NAALADL2: variants seen among roughly 807,000 people sequenced by gnomAD.
The protein encoded by NAALADL2 is N-acetylated alpha-linked acidic dipeptidase like 2.
In NAALADL2, 76 loss-of-function variants were observed where a neutral mutation model predicts 87.2. The ratio of observed to expected loss-of-function variants is 0.87; its 90% confidence interval spans 0.72 to 1.05. NAALADL2 has a LOEUF of 1.05. NAALADL2 is among the 50% of genes least tolerant of loss of function. NAALADL2 has a pLI of 0.00. For synonymous variants in NAALADL2, 354 were observed against 331.0 expected, an observed-to-expected ratio of 1.07 and a Z score of -0.75; for missense variants, 1,089 against 945.8, an observed-to-expected ratio of 1.15 and a Z score of -1.99.
chr3:175,760,970 A>G (rs987823365), intron 13 of NAALADL2, among the ~76,000 whole-genome samples: 4 of 152,224 alleles, frequency 2.6e-5, no homozygotes, highest in African/African-American at 9.6e-5. Context: ...TCCTAGACAC[A>G]GTTATCCCAA....
intron 11 of NAALADL2, among the ~76,000 whole-genome samples, chr3:175,643,955 A>G (rs2225656): frequency 0.018 from 2,708 of 152,020 alleles, 67 homozygotes; most frequent in African/African-American, 0.061. Flanking sequence ...GCCAAACTTG[A>G]TTTCATTTCG....
At chr3:175,420,113 G>A (rs1331387434) in intron 5 of NAALADL2, among the ~76,000 whole-genome samples, 1 of 151,930 alleles carries the variant, frequency 6.6e-6, no homozygotes, top group Non-Finnish European at 1.5e-5. Flanking sequence ...TCACCCATCT[G>A]TAAATATACA....
chr3:175,031,708 T>A (rs1008809770), intron 1 of NAALADL2, among the ~76,000 whole-genome samples: 1 of 152,096 alleles, frequency 6.6e-6, no homozygotes, highest in Non-Finnish European at 1.5e-5. Context: ...CTTTCCACCA[T>A]GACTGAACAA....
chr3:175,774,622 A>T (rs1396124356), intron 13 of NAALADL2, among the ~76,000 whole-genome samples: 1 of 152,154 alleles, frequency 6.6e-6, no homozygotes, highest in East Asian at 1.9e-4. Context: ...ATTAGCTGTT[A>T]GTTAAAAAAT....
chr3:175,742,499 G>T (rs528228559), intron 12 of NAALADL2, among the ~76,000 whole-genome samples: 1 of 109,706 alleles, frequency 9.1e-6, no homozygotes, highest in African/African-American at 4.1e-5. Flanking sequence ...CCGGGTTCAC[G>T]CCATTCTCCT....
At chr3:175,071,803 T>C (rs1715696411) in intron 1 of NAALADL2, among the ~76,000 whole-genome samples, 1 of 151,944 alleles carries the variant, frequency 6.6e-6, no homozygotes, top group Non-Finnish European at 1.5e-5. Flanking sequence ...TTGTAGCAAA[T>C]TTGAGCAATG....
chr3:174,609,784 T>C (rs1358201544), intron 2 of NAALADL2, among the ~76,000 whole-genome samples: 1 of 152,142 alleles, frequency 6.6e-6, no homozygotes, highest in Non-Finnish European at 1.5e-5. Context: ...AAGCTACCAA[T>C]GACTTTCTTC....
chr3:175,165,661 G>A (rs1183513240), intron 2 of NAALADL2, among the ~76,000 whole-genome samples: 1 of 152,040 alleles, frequency 6.6e-6, no homozygotes, highest in Non-Finnish European at 1.5e-5. Context: ...TTAGTGTGTG[G>A]TGCTAAGTAT....
At chr3:174,948,609 A>C (rs2108502036) in intron 1 of NAALADL2, among the ~76,000 whole-genome samples, 1 of 152,310 alleles carries the variant, frequency 6.6e-6, no homozygotes, top group Admixed American at 6.5e-5. Flanking sequence ...TCATTTTATT[A>C]TCTTTCATGG....
intron 2 of NAALADL2, among the ~76,000 whole-genome samples, chr3:175,133,094 G>A (rs1480409579): frequency 2.0e-5 from 3 of 148,318 alleles, no homozygotes; most frequent in Non-Finnish European, 4.5e-5. Context: ...GGGCGGCGGG[G>A]CAGAGGCGCT....
chr3:175,137,887 G>A (rs917661328), intron 2 of NAALADL2, among the ~76,000 whole-genome samples: 4 of 152,052 alleles, frequency 2.6e-5, no homozygotes, highest in East Asian at 3.9e-4. Flanking sequence ...GCCTCCCAAA[G>A]TGCTGGGATT....
At chr3:175,033,771 A>C (rs1753066094) in intron 1 of NAALADL2, among the ~76,000 whole-genome samples, 1 of 151,498 alleles carries the variant, frequency 6.6e-6, no homozygotes, top group Non-Finnish European at 1.5e-5. Context: ...CTTTACTCTC[A>C]CTCCTTACGT....
At chr3:175,398,688 T>C (rs1225098703) in intron 5 of NAALADL2, among the ~76,000 whole-genome samples, 7 of 152,224 alleles carry the variant, frequency 4.6e-5, no homozygotes, top group Non-Finnish European at 7.4e-5. Flanking sequence ...AGAGTGCCTG[T>C]TTCCTGGAAT....
At chr3:175,797,700 G>C (rs886194520) in intron 13 of NAALADL2, among the ~76,000 whole-genome samples, 1 of 152,072 alleles carries the variant, frequency 6.6e-6, no homozygotes, top group Non-Finnish European at 1.5e-5. Flanking sequence ...CTCTGATATA[G>C]TGTTTGTTGT....
intron 2 of NAALADL2, among the ~76,000 whole-genome samples, chr3:174,628,926 G>T (rs1457727432): frequency 6.6e-6 from 1 of 152,120 alleles, no homozygotes; most frequent in Non-Finnish European, 1.5e-5. Context: ...TGAACAGTTT[G>T]TATTTATTTC....
At chr3:175,599,075 T>TTATAA (rs1722614164) in intron 10 of NAALADL2, among the ~76,000 whole-genome samples, 1 of 152,132 alleles carries the variant, frequency 6.6e-6, no homozygotes, top group Non-Finnish European at 1.5e-5. Flanking sequence ...TGGTGTGGCC[T>TTATAA]CAGTGGCAAT....
chr3:175,730,172 G>C (rs1025740719), intron 11 of NAALADL2, among the ~76,000 whole-genome samples: 8 of 151,574 alleles, frequency 5.3e-5, no homozygotes, highest in African/African-American at 1.9e-4. Context: ...ACTGGGTAAT[G>C]AGCTACAATA....
Position 175,629,133 on chromosome 3 carries a change from A to G in NAALADL2, c.1896+1747A>G, listed in dbSNP as rs181565648. ...TAATACTTGGAGATTATATATATAT[A>G]ATATATATGGACATATATATCATAT... On this transcript the variant is annotated intron_variant, in intron 11 of 13. Coordinates refer to ENST00000454872, the MANE Select transcript of NAALADL2 (RefSeq NM_207015.3). 1.4e-3 allele frequency among the ~76,000 whole-genome samples: 215 copies of G among 148,612 alleles called. 1 individual carries two copies. Among genetic ancestry groups the G allele is most frequent in the Admixed American group, 2.9e-3 (42 of 14,712 alleles).
chr3:174,840,416 T>C (rs1406866062), intron 3 of NAALADL2, among the ~76,000 whole-genome samples: 2 of 152,134 alleles, frequency 1.3e-5, no homozygotes, highest in South Asian at 2.1e-4. Context: ...TTGCCCTCTA[T>C]AGTTTTTAAA....
Sources: allele counts gnomAD v4.1 joint callset (sites outside exome capture counted in the v4.1 genomes callset), GRCh38; gene constraint gnomAD v4.1.1; transcripts MANE v1.5; gene names NCBI Gene and HGNC (gene_info 2026-07-23, HGNC 2026-07-21).